The following PPIG variants were observed in gnomAD, a reference collection of about 807,000 sequenced individuals.
PPIG encodes the protein peptidylprolyl isomerase G, also known as peptidyl-prolyl cis-trans isomerase G.
A neutral mutation model predicts 87.9 loss-of-function variants in PPIG; 26 were observed. The observed-to-expected ratio is 0.30, with a 90% confidence interval of 0.22 to 0.41. The LOEUF (loss-of-function observed/expected upper bound fraction) is 0.41. Ranked by LOEUF, PPIG falls within the 10% of genes least tolerant of loss-of-function variation. The pLI is 1.00. For synonymous variants in PPIG, 308 were observed against 276.5 expected (o/e 1.11, Z -1.13); for missense variants, 722 against 879.4 (o/e 0.82, Z 2.26).
chr2:169,632,644 G>A (rs978184844), intron 11 of PPIG, among the ~76,000 whole-genome samples: 2 of 152,010 alleles, frequency 1.3e-5, no homozygotes, highest in African/African-American at 4.8e-5. Flanking sequence ...AGGAGGCTGA[G>A]GCAGGAGAAT....
At chr2:169,597,608 G>A (rs1308737327) in intron 1 of PPIG, among the ~76,000 whole-genome samples, 2 of 149,292 alleles carry the variant, frequency 1.3e-5, no homozygotes, top group Non-Finnish European at 3.0e-5. Context: ...AAGCAATTCT[G>A]TGCCTCAACC....
chr2:169,622,194 A>G (rs915742694), intron 9 of PPIG, among the ~76,000 whole-genome samples: 1 of 152,050 alleles, frequency 6.6e-6, no homozygotes, highest in African/African-American at 2.4e-5. Flanking sequence ...GCCGAGGTGG[A>G]CGGATCACTT....
intron 9 of PPIG, among the ~76,000 whole-genome samples, chr2:169,622,988 T>C (rs995344117): frequency 2.6e-5 from 4 of 152,094 alleles, no homozygotes; most frequent in Non-Finnish European, 5.9e-5. Flanking sequence ...AATCTGACAG[T>C]CTTGGTCCAT....
chr2:169,635,826 C>G (rs1227202030), intron 12 of PPIG, among the ~76,000 whole-genome samples: 1 of 152,166 alleles, frequency 6.6e-6, no homozygotes, highest in Non-Finnish European at 1.5e-5. Flanking sequence ...TGCAACATGA[C>G]AACTTAAGTT....
chr2:169,638,215 G>C lies in PPIG; in HGVS notation c.*692G>C, dbSNP rs1574468940. 6.6e-6 allele frequency: 1 copy of C among 151,698 alleles called. No homozygotes were observed. The highest frequency in any genetic ancestry group is 2.4e-5 in the African/African-American group (1 of 41,320). 9.4% of individuals were successfully genotyped at this position (151,698 alleles called of 1,614,324 possible). A position where few individuals can be genotyped will look rare whatever the true frequency, so the allele number is the denominator to read the frequency against. ...TTGATGTACTGATTGAGCTTGAGTT[G>C]CTGTTATACAGCATTTGACAGGAAC... On this transcript the variant is annotated 3_prime_UTR_variant, in exon 14 of 14. Coordinates refer to ENST00000260970, the MANE Select transcript of PPIG (RefSeq NM_004792.3).
chr2:169,631,267 A>G (rs1686045400), intron 10 of PPIG, among the ~76,000 whole-genome samples: 1 of 152,154 alleles, frequency 6.6e-6, no homozygotes, highest in Non-Finnish European at 1.5e-5. Flanking sequence ...GGGATTTATG[A>G]AAATTGCAGA....
chr2:169,597,479 TTTTTCTTTTTTCC>T (rs1290684972), intron 1 of PPIG, among the ~76,000 whole-genome samples: 3 of 144,842 alleles, frequency 2.1e-5, no homozygotes, highest in Admixed American at 1.5e-4. Context: ...TTTTCTCTCG[TTTTTCTTTTTTCC>T]TTTTCTTTTC....
chr2:169,608,802 G>T (rs750694535), intron 7 of PPIG, 44 bp downstream of exon 7: 8 of 1,428,680 alleles, frequency 5.6e-6, no homozygotes, highest in Non-Finnish European at 7.8e-6. Flanking sequence ...CCATTTTTGG[G>T]CCGGGCACGG....
At position 169,636,927 on chromosome 2, in the gene PPIG, A is replaced by C; in HGVS notation, c.1669A>C (p.Ser557Arg). ...ATGTGATATAACTAAAGGTAAACAC[A>C]GTTATAATAGCAGAACAAGAGAACG... ...RECDITKGKH[S>R]YNSRTRERSR... The change falls in exon 14 of 14, where the codon AGT (serine) becomes CGT (arginine). Residue 557 changes from serine to arginine, a missense_variant. Around this residue, in one of 4 missense-constraint regions of PPIG, gnomAD observed 476 missense variants for 483.1 expected, o/e 0.99. Transcript: ENST00000260970. 2 of 1,614,016 alleles carry C rather than the reference A, an allele frequency of 1.2e-6. No individual in the cohort carries two copies. Among genetic ancestry groups the C allele is most frequent in the Non-Finnish European group, 1.7e-6 (2 of 1,179,992 alleles).
In PPIG at chr2:169,638,484, A is replaced by C. The variant is rs1482959287; in HGVS notation, c.*961A>C. 1 of 151,994 alleles carries C rather than the reference A, an allele frequency of 6.6e-6. No individual in the cohort carries two copies. Among genetic ancestry groups the C allele is most frequent in the Admixed American group, 6.6e-5 (1 of 15,234 alleles). 9.4% of individuals were successfully genotyped at this position (151,994 alleles called of 1,614,324 possible). ...TCCAACCTATATAGAATTGAGTGTT[A>C]ACTCTGCATGGATTTTGTTTGTTTT... On this transcript the variant is annotated 3_prime_UTR_variant, in exon 14 of 14. Transcript: ENST00000260970.
intron 7 of PPIG, among the ~76,000 whole-genome samples, chr2:169,613,788 T>G (rs917378755): frequency 4.6e-5 from 7 of 152,122 alleles, no homozygotes; most frequent in Admixed American, 1.3e-4. Context: ...TAGCCAGGCA[T>G]GCTGGCATGC....
At chr2:169,584,835 T>A (rs1459774042) in intron 1 of PPIG, 1 of 293,216 alleles carries the variant, frequency 3.4e-6, no homozygotes, top group Non-Finnish European at 6.6e-6. Context: ...GACTGCGGCC[T>A]GAACTCTAGG....
chr2:169,598,752 A>C (rs1363882315), intron 1 of PPIG, among the ~76,000 whole-genome samples: 2 of 149,924 alleles, frequency 1.3e-5, no homozygotes, highest in East Asian at 3.9e-4. Context: ...ATATTTATTA[A>C]ATTATTTTGT....
chr2:169,592,297 T>A (rs1263638640), intron 1 of PPIG, among the ~76,000 whole-genome samples: 1 of 111,166 alleles, frequency 9.0e-6, no homozygotes, highest in Non-Finnish European at 1.8e-5. Flanking sequence ...TTCAGATGTC[T>A]TTTTTCTTTT....
intron 9 of PPIG, among the ~76,000 whole-genome samples, chr2:169,627,735 C>T (rs1230893799): frequency 3.3e-5 from 3 of 91,434 alleles, no homozygotes; most frequent in Non-Finnish European, 6.0e-5. Context: ...TAATTTCAAA[C>T]ACTAAATGGG....
intron 1 of PPIG, among the ~76,000 whole-genome samples, chr2:169,585,730 G>C (rs1684685629): frequency 6.6e-6 from 1 of 152,164 alleles, no homozygotes; most frequent in Non-Finnish European, 1.5e-5. Context: ...AAATACAAAA[G>C]TATTTGCTTT....
intron 1 of PPIG, among the ~76,000 whole-genome samples, chr2:169,602,570 C>T (rs980799199): frequency 6.6e-6 from 1 of 152,196 alleles, no homozygotes; most frequent in African/African-American, 2.4e-5. Flanking sequence ...CCTCAGCCCC[C>T]CAAAGTGCTG....
Position 169,636,225 on chromosome 2 carries a change from A to T in PPIG, c.1151A>T (p.Asp384Val). The change falls in exon 13 of 14, where the codon GAT (aspartate) becomes GTT (valine). Residue 384 changes from aspartate to valine, a missense_variant. By Grantham distance (152) the Asp-to-Val change is radical. Transcript: ENST00000260970. ...AGTGGTGAAAGATGGATCAAGGGGG[A>T]TAAGTAAGATTTAACTATTATTATT... Reference protein sequence around the residue: ...VSSGERWIKGDKSELNEIKEN... With the variant: ...VSSGERWIKGVKSELNEIKEN... The T allele has an allele frequency of 1.3e-6, 2 of 1,592,044 alleles. No individual in the cohort carries two copies. The highest frequency in any genetic ancestry group is 1.7e-6 in the Non-Finnish European group (2 of 1,173,952).
At chr2:169,601,205 C>A (rs1479319935) in intron 1 of PPIG, among the ~76,000 whole-genome samples, 1 of 152,070 alleles carries the variant, frequency 6.6e-6, no homozygotes, top group Non-Finnish European at 1.5e-5. Flanking sequence ...TTCAGTTTCT[C>A]CCCATTGTAA....
Sources: allele counts gnomAD v4.1 joint callset (sites outside exome capture counted in the v4.1 genomes callset), GRCh38; gene constraint gnomAD v4.1.1; regional missense constraint gnomAD v4.1.1; transcripts MANE v1.5; gene names NCBI Gene and HGNC (gene_info 2026-07-23, HGNC 2026-07-21).